AKAP12: variants seen among roughly 807,000 people sequenced by gnomAD.
The protein encoded by AKAP12 is A-kinase anchor protein 12.
In AKAP12, 32 loss-of-function variants were observed where a neutral mutation model predicts 79.9. The observed-to-expected ratio is 0.40, with a 90% CI of 0.30 to 0.54. The LOEUF (loss-of-function observed/expected upper bound fraction) is 0.54. Ranked by LOEUF, AKAP12 falls within the 20% of genes least tolerant of loss-of-function variation. The pLI is 0.48. For synonymous variants in AKAP12, 808 were observed against 857.0 expected (o/e 0.94, Z 1.00); for missense variants, 2,074 against 2,177.0 (o/e 0.95, Z 0.94).
rs1394675610 is a variant in AKAP12 at position 151,348,881 on chromosome 6, G to A, written c.490G>A (p.Glu164Lys). 1 of 1,614,134 alleles carries A rather than the reference G, an allele frequency of 6.2e-7. No homozygotes were observed. The highest frequency in any genetic ancestry group is 1.1e-5 in the South Asian group (1 of 91,086). ...SNLEELTQPT[E>K]SQANDIGFKK... ...TTTAGAAGAGCTAACACAACCCACT[G>A]AGTCCCAGGCTAATGATATTGGATT... The change falls in exon 4 of 5, where the codon GAG (glutamate) becomes AAG (lysine). Residue 164 changes from glutamate (E) to lysine (K), a missense_variant. By Grantham distance (56) the Glu-to-Lys change is moderately conservative. Transcript: ENST00000402676.
At chr6:151,268,960 T>TG (rs1562714383) in intron 2 of AKAP12, among the ~76,000 whole-genome samples, 1 of 98,448 alleles carries the variant, frequency 1.0e-5, no homozygotes, top group Non-Finnish European at 2.2e-5. Flanking sequence ...TTTTTTTTTT[T>TG]TTTTTTTTTT....
chr6:151,257,325 C>T (rs1177864716), intron 2 of AKAP12, among the ~76,000 whole-genome samples: 1 of 152,108 alleles, frequency 6.6e-6, no homozygotes, highest in African/African-American at 2.4e-5. Context: ...TTGAGACAGT[C>T]TTGCTCTGTC....
At chr6:151,295,394 A>T (rs72994100) in intron 2 of AKAP12, among the ~76,000 whole-genome samples, 1 of 152,126 alleles carries the variant, frequency 6.6e-6, no homozygotes, top group South Asian at 2.1e-4. Flanking sequence ...ATGGTTAACT[A>T]ACTTTCATGA....
At chr6:151,317,910 T>TA in intron 3 of AKAP12, among the ~76,000 whole-genome samples, 1 of 152,260 alleles carries the variant, frequency 6.6e-6, no homozygotes, top group East Asian at 1.9e-4. Context: ...TAGCTGTAAA[T>TA]AAAGTGGCAG....
Position 151,240,603 on chromosome 6 carries a change from A to G in AKAP12, c.41A>G (p.Gln14Arg). 3 of 1,422,340 alleles carry G rather than the reference A, an allele frequency of 2.1e-6. No individual in the cohort carries two copies. The highest frequency in any genetic ancestry group is 2.7e-6 in the Non-Finnish European group (3 of 1,092,870). 88.1% of individuals were successfully genotyped at this position (1,422,340 alleles called of 1,614,324 possible). Residue 14 changes from glutamine (Q) to arginine (R), a missense_variant, in exon 2 of 5, where the codon CAG (glutamine) becomes CGG (arginine). Physicochemically the swap from Gln to Arg is conservative, Grantham distance 43. This residue lies in a region of AKAP12 where 1,428 missense variants were observed against 1,451.0 expected (regional missense o/e 0.98). Transcript: ENST00000402676. ...TCCACCGAGCAGCGCAGCCCGGAGC[A>G]GCCGCCCGAGGGGAGCTCCACGCCG... ...GSSTEQRSPE[Q>R]PPEGSSTPAE...
rs1225331662 is a variant in AKAP12 at position 151,351,981 on chromosome 6, A to C, written c.3590A>C (p.Glu1197Ala). Residue 1197 changes from glutamate to alanine, a missense_variant, in exon 4 of 5, where the codon GAG (glutamate) becomes GCG (alanine). Coordinates refer to ENST00000402676, the MANE Select transcript of AKAP12 (RefSeq NM_005100.4). This position sits in a 1 kb window ranked among gnomAD's most constrained non-coding sequence, Gnocchi z 4.4. ...QKDEIVEIHE[E>A]NEVASGTQSG... ...GACGAGATTGTGGAAATCCATGAGG[A>C]GAATGAGGTCGCATCTGGTACCCAG... The C allele has an allele frequency of 6.2e-7, 1 of 1,614,010 alleles. No individual in the cohort carries two copies. Among genetic ancestry groups the C allele is most frequent in the African/African-American group, 1.3e-5 (1 of 74,916 alleles).
intron 2 of AKAP12, among the ~76,000 whole-genome samples, chr6:151,261,861 A>C (rs1797446332): frequency 6.6e-6 from 1 of 151,752 alleles, no homozygotes; most frequent in Non-Finnish European, 1.5e-5. Flanking sequence ...ATAGCAATTT[A>C]GCCTGTTAAG....
intron 3 of AKAP12, 120 bp downstream of exon 3, chr6:151,306,023 A>G (rs1256209616): frequency 1.2e-5 from 13 of 1,077,210 alleles, no homozygotes; most frequent in African/African-American, 1.6e-5. Flanking sequence ...AAAACAATCA[A>G]TTGGTTACAA....
In AKAP12 at chr6:151,240,499, C is replaced by T; in HGVS notation, c.-64C>T. On this transcript the variant is annotated 5_prime_UTR_variant, in exon 2 of 5. Coordinates refer to ENST00000402676, the MANE Select transcript of AKAP12 (RefSeq NM_005100.4). The stretch of plus-strand genomic sequence containing the variant: ...GGCGCGCGTCTTTTGGCTCTTGCCC[C>T]TGTCCCTGCGGCTTGGGGAAGGCGT... 3 of 1,361,678 alleles carry T rather than the reference C, an allele frequency of 2.2e-6. No homozygotes were observed. The highest frequency in any genetic ancestry group is 1.9e-6 in the Non-Finnish European group (2 of 1,063,582). 84.3% of individuals were successfully genotyped at this position (1,361,678 alleles called of 1,614,324 possible). A position where few individuals can be genotyped will look rare whatever the true frequency, so the allele number is the denominator to read the frequency against.
intron 2 of AKAP12, among the ~76,000 whole-genome samples, chr6:151,276,810 C>G (rs1776298595): frequency 6.6e-6 from 1 of 152,218 alleles, no homozygotes; most frequent in Admixed American, 6.5e-5. Flanking sequence ...TTAGATCACC[C>G]ATTGATGCCT....
chr6:151,343,834 A>C, intron 3 of AKAP12: 1 of 378,410 alleles, frequency 2.6e-6, no homozygotes. Flanking sequence ...CACTTAAGGA[A>C]GCCTTTGGAT....
At chr6:151,321,221 A>G (rs148833934) in intron 3 of AKAP12, among the ~76,000 whole-genome samples, 128 of 152,184 alleles carry the variant, frequency 8.4e-4, no homozygotes, top group African/African-American at 3.0e-3. Flanking sequence ...TCCTGACCTC[A>G]AGTGATCTGC....
At position 151,349,135 on chromosome 6, in the gene AKAP12, C is replaced by T; in HGVS notation, c.744C>T (p.Ser248=). 1 of 1,613,766 alleles carries T rather than the reference C, an allele frequency of 6.2e-7. No individual in the cohort carries two copies. Among genetic ancestry groups the T allele is most frequent in the Non-Finnish European group, 8.5e-7 (1 of 1,180,008 alleles). ...AAGAGACCCTGAAGCGTGAGCAAAGCCACGCAGAAATTTCTCCCCCAGCCG... is the reference window on the plus strand; with the variant it reads ...AAGAGACCCTGAAGCGTGAGCAAAGTCACGCAGAAATTTCTCCCCCAGCCG... The part of the protein sequence containing the change: ...KPEETLKREQ[S]HAEISPPAES... The change falls in exon 4 of 5, where the codon AGC becomes AGT. Residue 248 remains serine (S), a synonymous_variant. Transcript: ENST00000402676.
At chr6:151,244,087 T>C (rs1797025392) in intron 2 of AKAP12, among the ~76,000 whole-genome samples, 1 of 152,194 alleles carries the variant, frequency 6.6e-6, no homozygotes, top group Admixed American at 6.5e-5. Flanking sequence ...GGCCATTGTC[T>C]CTGGCAGGTG....
chr6:151,350,140 A>G lies in AKAP12; in HGVS notation c.1749A>G (p.Leu583=). The G allele has an allele frequency of 6.2e-7, 1 of 1,614,052 alleles. No individual in the cohort carries two copies. Among genetic ancestry groups the G allele is most frequent in the Non-Finnish European group, 8.5e-7 (1 of 1,179,998 alleles). ...AGATCACGTGTCTGGAAAAGGGCTT[A>G]GCCGAGGTGCAGCAGGATGGGGAAG... ...PEEITCLEKG[L]AEVQQDGEAE... is the part of the protein sequence containing the mutation. Residue 583 remains leucine, a synonymous_variant, in exon 4 of 5, where the codon TTA becomes TTG. Transcript: ENST00000402676. The surrounding 1 kb of genome is among the most constrained non-coding windows in gnomAD (Gnocchi z 4.8).
Position 151,352,172 on chromosome 6 carries a change from A to T in AKAP12, c.3781A>T (p.Thr1261Ser), listed in dbSNP as rs1778311707. ...SVETVSILSK[T>S]EGTQEADQYA... ...GGAAACTGTATCCATTCTGTCAAAG[A>T]CTGAGGGGACTCAAGAGGCTGACCA... The change falls in exon 4 of 5, where the codon ACT becomes TCT. Residue 1261 changes from threonine (T) to serine (S), a missense_variant. By Grantham distance (58) the Thr-to-Ser change is moderately conservative. Coordinates refer to ENST00000402676, the MANE Select transcript of AKAP12 (RefSeq NM_005100.4). 1 of 1,614,044 alleles carries T rather than the reference A, an allele frequency of 6.2e-7. No homozygotes were observed.
intron 2 of AKAP12, among the ~76,000 whole-genome samples, chr6:151,264,614 T>C (rs986041301): frequency 6.7e-6 from 1 of 149,182 alleles, no homozygotes; most frequent in African/African-American, 2.5e-5. Context: ...GAGGTTGCAG[T>C]GAGCCAAGAT....
chr6:151,345,961 G>GAGAA (rs755481433), intron 3 of AKAP12, among the ~76,000 whole-genome samples: 3 of 143,228 alleles, frequency 2.1e-5, no homozygotes, highest in African/African-American at 7.7e-5. Flanking sequence ...GAGAGAGAGA[G>GAGAA]AGAAAGGAGA....
chr6:151,323,719 A>C, intron 3 of AKAP12: 2 of 985,312 alleles, frequency 2.0e-6, no homozygotes, highest in Non-Finnish European at 2.4e-6. Flanking sequence ...TTTTCTTCCT[A>C]TCCAGCTCAG....
Sources: gnomAD v4.1 joint callset for allele counts (sites outside exome capture counted in the v4.1 genomes callset) on GRCh38, gnomAD v4.1.1 for gene constraint, gnomAD v4.1.1 regional missense constraint, Gnocchi (gnomAD v3.1) non-coding constraint, MANE v1.5 for transcripts, NCBI Gene and HGNC (gene_info 2026-07-23, HGNC 2026-07-21) for gene names.